The following KCTD14 variants were observed in gnomAD, a reference collection of about 807,000 sequenced individuals.
The protein encoded by KCTD14 is BTB/POZ domain-containing protein KCTD14.
A neutral mutation model predicts 5.9 loss-of-function variants in KCTD14; 7 were observed. The ratio of observed to expected loss-of-function variants is 1.19; its 90% CI spans 0.68 to 2.23. The LOEUF (loss-of-function observed/expected upper bound fraction) is 2.23. Among genes scored for constraint, KCTD14 ranks in the 30% most tolerant of loss-of-function variants. The pLI is 0.00. For synonymous variants in KCTD14, 140 were observed against 133.1 expected (o/e 1.05, Z -0.36); for missense variants, 342 against 332.2 (o/e 1.03, Z -0.23).
chr11:78,038,709 G>T (rs1470740839), exon 2 of KCTD14: 2 of 1,535,718 alleles, frequency 1.3e-6, no homozygotes, highest in African/African-American at 2.7e-5. Context: ...ACACAGCAGG[G>T]GTGTCAGAGA....
chr11:78,019,695 A>C lies in KCTD14; in HGVS notation c.91-2425T>G. Among the ~76,000 whole-genome samples the C allele has an allele frequency of 1.3e-5, 2 of 152,230 alleles. 1 individual carries two copies. The highest frequency in any genetic ancestry group is 2.9e-5 in the Non-Finnish European group (2 of 68,040). On this transcript the variant is annotated intron_variant, in intron 1 of 1. Coordinates refer to ENST00000353172, the MANE Select transcript of KCTD14 (RefSeq NM_023930.4). ...AATAATAACGGGAACATTCTTCGTA[A>C]TGAAAAGGCCGGTAACTCTACATAT...
rs200905200 is a variant in KCTD14 at position 78,016,844 on chromosome 11, C to G, written c.517G>C (p.Val173Leu). ...TATGCATCCTGCTCCTCAGTTTCCA[C>G]CAGGCACACAAGCACGCTGGACTTC... ...ARKSSVLVCL[V>L]ETEEQDAYYS... is the part of the protein sequence containing the mutation. Residue 173 changes from valine (V) to leucine (L), a missense_variant, in exon 2 of 2, where the codon GTG (valine) becomes CTG (leucine). Physicochemically the swap from Val to Leu is conservative, Grantham distance 32. Transcript: ENST00000353172. The G allele has an allele frequency of 1.2e-4, 199 of 1,614,084 alleles. No homozygotes were observed. The highest frequency in any genetic ancestry group is 2.7e-4 in the Admixed American group (16 of 60,008).
chr11:78,040,427 C>T (rs914720764), intron 1 of KCTD14, among the ~76,000 whole-genome samples: 1 of 151,742 alleles, frequency 6.6e-6, no homozygotes. Flanking sequence ...TAACTCTGCT[C>T]CTCTTTCTCT....
At chr11:78,045,487 C>G (rs1046884006) in intron 1 of KCTD14, among the ~76,000 whole-genome samples, 1 of 152,198 alleles carries the variant, frequency 6.6e-6, no homozygotes, top group Non-Finnish European at 1.5e-5. Flanking sequence ...CTTAGCAGAA[C>G]TCAGGCTCAA....
rs755787257 is a variant in KCTD14, at chr11:78,023,263, G to A, written c.-14C>T. 2 of 1,608,134 alleles carry A rather than the reference G, an allele frequency of 1.2e-6. No homozygotes were observed. The highest frequency in any genetic ancestry group is 1.7e-6 in the Non-Finnish European group (2 of 1,179,550). On this transcript the variant is annotated 5_prime_UTR_variant, in exon 1 of 2. Coordinates refer to ENST00000353172, the MANE Select transcript of KCTD14 (RefSeq NM_023930.4). ...GCCCTGCCACATGCAGATCACTTGG[G>A]CCAGCGGAAGTGCCCCTGGCTGCCC...
chr11:78,023,267 G>A lies in KCTD14; in HGVS notation c.-18C>T. On this transcript the variant is annotated 5_prime_UTR_variant, in exon 1 of 2. Coordinates refer to ENST00000353172, the MANE Select transcript of KCTD14 (RefSeq NM_023930.4). The stretch of plus-strand genomic sequence containing the variant: ...TGCCACATGCAGATCACTTGGGCCA[G>A]CGGAAGTGCCCCTGGCTGCCCGCCC... The A allele has an allele frequency of 6.2e-7, 1 of 1,607,730 alleles. No individual in the cohort carries two copies. The highest frequency in any genetic ancestry group is 8.5e-7 in the Non-Finnish European group (1 of 1,179,458).
At chr11:78,033,286 T>C (rs942745483) in intron 2 of KCTD14, among the ~76,000 whole-genome samples, 1 of 152,200 alleles carries the variant, frequency 6.6e-6, no homozygotes, top group Non-Finnish European at 1.5e-5. Context: ...TGTCCATCAT[T>C]TGGGGACTGG....
intron 1 of KCTD14, among the ~76,000 whole-genome samples, chr11:78,039,745 CAAAA>C (rs35580468): frequency 1.4e-5 from 2 of 138,730 alleles, no homozygotes; most frequent in African/African-American, 2.7e-5. Flanking sequence ...GACCCTGTCT[CAAAA>C]AAAAAAAAAA....
Position 78,038,359 on chromosome 11 carries a change from T to G in KCTD14, c.-1+305A>C, listed in dbSNP as rs1857878933. ...TACCCCAAACCTCTTTCTCAGGCCA[T>G]GCTGATGGCCTCTGGCCTGCAGGGC... On this transcript the variant is annotated intron_variant, in intron 2 of 2. Transcript: ENST00000533144. Among the ~76,000 whole-genome samples the G allele has an allele frequency of 2.6e-5, 4 of 152,340 alleles. No individual in the cohort carries two copies. The South Asian group carries it at 8.3e-4, about 32-fold the overall frequency.
chr11:78,025,150 AT>A (rs1857432196), upstream of KCTD14, among the ~76,000 whole-genome samples: 3 of 122,504 alleles, frequency 2.4e-5, no homozygotes, highest in Non-Finnish European at 5.1e-5. Flanking sequence ...ATATATATAT[AT>A]ATATAAAGGG....
chr11:78,045,384 A>C (rs1197359045), intron 1 of KCTD14, among the ~76,000 whole-genome samples: 2 of 152,166 alleles, frequency 1.3e-5, no homozygotes, highest in African/African-American at 4.8e-5. Flanking sequence ...CTTAGGTTCT[A>C]CGATAGTGAT....
At chr11:78,040,497 G>T (rs1189321180) in intron 1 of KCTD14, among the ~76,000 whole-genome samples, 4 of 149,724 alleles carry the variant, frequency 2.7e-5, no homozygotes, top group African/African-American at 4.9e-5. Flanking sequence ...CCTTCTTTCT[G>T]CACCTTTTAA....
At position 78,038,545 on chromosome 11, in the gene KCTD14, G is replaced by A. The variant is rs562434909; in HGVS notation, c.-1+119C>T. On this transcript the variant is annotated intron_variant, in intron 2 of 2. Coordinates refer to the KCTD14 transcript ENST00000533144. ...TCAACCGCACCCCATCTGGCTCCCC[G>A]CTCACTGGCTCCCCAGCCCAAGTGC... 7.0e-5 allele frequency: 84 copies of A among 1,204,396 alleles called. No individual in the cohort carries two copies. The East Asian group carries it at 1.4e-3, about 19-fold the overall frequency. The allele number at this position is 1,204,396 out of a possible 1,614,324, so 74.6% of individuals were successfully genotyped here. A position where few individuals can be genotyped will look rare whatever the true frequency, so the allele number is the denominator to read the frequency against.
upstream of KCTD14, chr11:78,023,839 CAG>C (rs1483890823): frequency 6.5e-6 from 1 of 153,246 alleles, no homozygotes; most frequent in African/African-American, 2.4e-5. Context: ...CATTGACAAC[CAG>C]AGACTTTCTA....
At chr11:78,043,282 T>C (rs772698329) in intron 1 of KCTD14, among the ~76,000 whole-genome samples, 6 of 152,172 alleles carry the variant, frequency 3.9e-5, no homozygotes, top group Non-Finnish European at 8.8e-5. Context: ...ATCCACAAAA[T>C]AGGAATATAC....
chr11:78,046,095 G>C (rs949171649), exon 1 of KCTD14: 1 of 985,230 alleles, frequency 1.0e-6, no homozygotes, highest in African/African-American at 1.7e-5. Context: ...CGAGAAAAGC[G>C]AGTGATCTGC....
chr11:78,016,941 C>T lies in KCTD14; in HGVS notation c.420G>A (p.Leu140=). The T allele has an allele frequency of 6.2e-7, 1 of 1,614,214 alleles. No homozygotes were observed. Among genetic ancestry groups the T allele is most frequent in the Non-Finnish European group, 8.5e-7 (1 of 1,180,052 alleles). ...GGTTCTCGCTGTAGCCCGGCACTTG[C>T]AGCAAAAACTGCTTCCGAGACACCT... ...GEQVSRKQFL[L]QVPGYSENLE... The change falls in exon 2 of 2, where the codon CTG becomes CTA. Residue 140 remains leucine, a synonymous_variant. Transcript: ENST00000353172.
chr11:78,041,262 G>A (rs1238853687), intron 1 of KCTD14, among the ~76,000 whole-genome samples: 1 of 152,152 alleles, frequency 6.6e-6, no homozygotes, highest in African/African-American at 2.4e-5. Context: ...GTGTGTGGGT[G>A]GGCTCAGGGC....
chr11:78,033,714 GGCACAT>G (rs1857697604), intron 2 of KCTD14, among the ~76,000 whole-genome samples: 2 of 151,018 alleles, frequency 1.3e-5, no homozygotes, highest in Non-Finnish European at 2.9e-5. Flanking sequence ...CAGCTGTTGT[GGCACAT>G]GCCTGTAATC....
Sources: gnomAD v4.1 joint callset for allele counts (sites outside exome capture counted in the v4.1 genomes callset) on GRCh38, gnomAD v4.1.1 for gene constraint, MANE v1.5 for transcripts, NCBI Gene and HGNC (gene_info 2026-07-23, HGNC 2026-07-21) for gene names.